The following ZNF423 variants were observed in gnomAD, a reference collection of about 807,000 sequenced individuals.
The protein encoded by ZNF423 is Ebf-associated zinc finger protein.
ZNF423 carries 12 observed loss-of-function variants against 95.8 expected under a neutral mutation model. The ratio of observed to expected loss-of-function variants is 0.13; its 90% CI spans 0.08 to 0.20. ZNF423 has a LOEUF of 0.20. Among genes scored for constraint, ZNF423 ranks in the 10% least tolerant of loss-of-function variants. ZNF423 has a pLI of 1.00. For missense variants in ZNF423, 1,316 were observed against 1,737.1 expected (o/e 0.76, Z 4.31); for synonymous variants, 749 against 711.9 (o/e 1.05, Z -0.83).
At chr16:49,785,515 T>G (rs994536699) in intron 2 of ZNF423, among the ~76,000 whole-genome samples, 1 of 152,266 alleles carries the variant, frequency 6.6e-6, no homozygotes, top group Non-Finnish European at 1.5e-5. Context: ...ATAAAGCTGT[T>G]TTTAAAAAGA....
intron 4 of ZNF423, among the ~76,000 whole-genome samples, chr16:49,628,581 C>G (rs1245176640): frequency 3.3e-5 from 5 of 152,146 alleles, no homozygotes; most frequent in Admixed American, 2.6e-4. Context: ...ATCTATTTTT[C>G]TACCTATCCA....
chr16:49,500,485 C>T (rs1169542216), intron 7 of ZNF423, among the ~76,000 whole-genome samples: 4 of 152,184 alleles, frequency 2.6e-5, no homozygotes, highest in Non-Finnish European at 4.4e-5. Flanking sequence ...TGCACAGTCC[C>T]CTGCCCTAAA....
At chr16:49,622,728 T>C (rs919502794) in intron 5 of ZNF423, among the ~76,000 whole-genome samples, 3 of 152,166 alleles carry the variant, frequency 2.0e-5, no homozygotes, top group Admixed American at 6.5e-5. Flanking sequence ...TCTGCCTCCA[T>C]TACTCAGGCT....
chr16:49,516,527 G>A (rs908777542), intron 7 of ZNF423, among the ~76,000 whole-genome samples: 2 of 152,176 alleles, frequency 1.3e-5, no homozygotes, highest in African/African-American at 4.8e-5. Context: ...GCTTACGGCT[G>A]GTGCATGACA....
At chr16:49,680,754 T>G (rs533429382) in intron 3 of ZNF423, among the ~76,000 whole-genome samples, 1 of 152,338 alleles carries the variant, frequency 6.6e-6, no homozygotes, top group South Asian at 2.1e-4. Flanking sequence ...GCCTCACGGC[T>G]CTGCACCTGG....
chr16:49,653,383 G>A (rs1973490897), intron 3 of ZNF423, among the ~76,000 whole-genome samples: 1 of 151,778 alleles, frequency 6.6e-6, no homozygotes, highest in Non-Finnish European at 1.5e-5. Context: ...GCCGCCGGAG[G>A]GAACAGCAAA....
At chr16:49,831,364 T>C (rs1391490761) in intron 1 of ZNF423, among the ~76,000 whole-genome samples, 1 of 152,206 alleles carries the variant, frequency 6.6e-6, no homozygotes, top group Non-Finnish European at 1.5e-5. Context: ...TATTTTATAA[T>C]TGGAGAAACA....
intron 3 of ZNF423, among the ~76,000 whole-genome samples, chr16:49,664,646 C>T (rs1424484326): frequency 8.6e-6 from 1 of 116,550 alleles, no homozygotes; most frequent in Admixed American, 9.6e-5. Flanking sequence ...GGTGGGGGGA[C>T]GGCCCCTGGG....
chr16:49,493,281 G>A (rs918645546), intron 7 of ZNF423, among the ~76,000 whole-genome samples: 25 of 152,160 alleles, frequency 1.6e-4, no homozygotes, highest in Non-Finnish European at 3.4e-4. Context: ...AGTCCTCTAG[G>A]CACATGGATC....
At chr16:49,663,461 T>TA (rs2030357142) in intron 3 of ZNF423, among the ~76,000 whole-genome samples, 1 of 151,992 alleles carries the variant, frequency 6.6e-6, no homozygotes, top group African/African-American at 2.4e-5. Context: ...CTTCAGAGGC[T>TA]AGTCTCAATG....
chr16:49,507,947 G>A (rs2151674269), intron 7 of ZNF423, among the ~76,000 whole-genome samples: 1 of 152,280 alleles, frequency 6.6e-6, no homozygotes, highest in East Asian at 1.9e-4. Context: ...GTCGGCCAGG[G>A]GCTGCCAGGC....
In ZNF423 at chr16:49,856,049, C is replaced by T. The variant is rs1047049402; in HGVS notation, c.-275G>A. 4.8e-5 allele frequency: 7 copies of T among 144,904 alleles called. No individual in the cohort carries two copies. The highest frequency in any genetic ancestry group is 1.8e-4 in the African/African-American group (7 of 39,152). 9.0% of individuals were successfully genotyped at this position (144,904 alleles called of 1,614,324 possible). A position where few individuals can be genotyped will look rare whatever the true frequency, so the allele number is the denominator to read the frequency against. ...TTGCAATGCGGCAGTCCGGGGCTCC[C>T]GATCCAAGCGGCGGTCCCAGCGGCG... On this transcript the variant is annotated 5_prime_UTR_variant, in exon 1 of 8. Transcript: ENST00000563137.
chr16:49,689,971 CT>C (rs367862515), intron 3 of ZNF423, among the ~76,000 whole-genome samples: 17 of 152,304 alleles, frequency 1.1e-4, no homozygotes, highest in African/African-American at 3.9e-4. Flanking sequence ...GTAGCCTGGA[CT>C]GTTTCACTCT....
intron 2 of ZNF423, among the ~76,000 whole-genome samples, chr16:49,786,554 C>G (rs2034317962): frequency 6.6e-6 from 1 of 152,222 alleles, no homozygotes; most frequent in African/African-American, 2.4e-5. Flanking sequence ...GCAGGACCAC[C>G]TATGCCCTGC....
chr16:49,767,381 T>C (rs925576081), intron 2 of ZNF423, among the ~76,000 whole-genome samples: 3 of 152,136 alleles, frequency 2.0e-5, no homozygotes, highest in African/African-American at 4.8e-5. Flanking sequence ...GGCACCTCCA[T>C]CTTTGTTCCC....
At chr16:49,652,494 G>A (rs1029787583) in intron 3 of ZNF423, among the ~76,000 whole-genome samples, 3 of 152,098 alleles carry the variant, frequency 2.0e-5, no homozygotes, top group Admixed American at 1.3e-4. Context: ...CCAGGGGCAC[G>A]AGGAGCTCAG....
chr16:49,568,207 T>C (rs1225333996), intron 5 of ZNF423, among the ~76,000 whole-genome samples: 1 of 152,086 alleles, frequency 6.6e-6, no homozygotes, highest in Admixed American at 6.5e-5. Context: ...ATTGTAAGAA[T>C]TTTCTGGTAT....
intron 3 of ZNF423, among the ~76,000 whole-genome samples, chr16:49,696,467 A>T (rs1436890390): frequency 1.3e-5 from 2 of 152,226 alleles, no homozygotes; most frequent in Non-Finnish European, 2.9e-5. Context: ...GCCAGATTCC[A>T]AAAACCTGAC....
chr16:49,592,261 G>A (rs1971032098), intron 5 of ZNF423, among the ~76,000 whole-genome samples: 1 of 152,112 alleles, frequency 6.6e-6, no homozygotes, highest in Admixed American at 6.5e-5. Context: ...TGAGATTAAG[G>A]GTGATTTCTA....
Sources: gnomAD v4.1 joint callset for allele counts (sites outside exome capture counted in the v4.1 genomes callset) on GRCh38, gnomAD v4.1.1 for gene constraint, MANE v1.5 for transcripts, NCBI Gene and HGNC (gene_info 2026-07-23, HGNC 2026-07-21) for gene names.